Variants in LACTB observed in about 807,000 individuals in gnomAD.
LACTB encodes lactamase beta, also known as serine beta-lactamase-like protein LACTB, mitochondrial.
In LACTB, 35 loss-of-function variants were observed where a neutral mutation model predicts 50.2. That is an observed-to-expected ratio of 0.70 (90% confidence interval 0.53 to 0.92). The LOEUF (loss-of-function observed/expected upper bound fraction) is 0.92. Among genes scored for constraint, LACTB ranks in the 40% least tolerant of loss-of-function variants. The pLI, the probability that LACTB is intolerant of heterozygous loss-of-function variation, is 0.00. For missense variants in LACTB, 664 were observed against 691.8 expected (o/e 0.96, Z 0.45); for synonymous variants, 252 against 268.2 (o/e 0.94, Z 0.59).
At chr15:63,125,923 C>T (rs1340174575) in intron 2 of LACTB, 1 of 150,068 alleles carries the variant, frequency 6.7e-6, no homozygotes, top group African/African-American at 2.5e-5. Context: ...AGGCTAGTCT[C>T]GAAATCCTGA....
intron 5 of LACTB, 89 bp downstream of exon 5, chr15:63,129,739 C>A: frequency 4.5e-6 from 6 of 1,341,844 alleles, no homozygotes; most frequent in African/African-American, 1.5e-5. Context: ...GTTTCCATTC[C>A]AAAATCAACC....
chr15:63,125,075 C>T (rs115307132), intron 2 of LACTB, among the ~76,000 whole-genome samples: 2,621 of 152,168 alleles, frequency 0.017, 74 homozygotes, highest in African/African-American at 0.059. Flanking sequence ...AATCCCAGCG[C>T]TTAGGGAGTC....
At chr15:63,122,604 G>C in intron 1 of LACTB, 32 bp from the exon 2 acceptor site, 1 of 1,569,478 alleles carries the variant, frequency 6.4e-7, no homozygotes, top group Non-Finnish European at 8.8e-7. Flanking sequence ...CAGCAGGCCC[G>C]TAACTGTCGG....
intron 5 of LACTB, among the ~76,000 whole-genome samples, chr15:63,140,101 T>C (rs1403257352): frequency 6.6e-6 from 1 of 152,248 alleles, no homozygotes; most frequent in Non-Finnish European, 1.5e-5. Context: ...TGCAAGACTC[T>C]GTCTCAAAAG....
chr15:63,132,614 T>G (rs2037143760), intron 5 of LACTB, among the ~76,000 whole-genome samples: 1 of 151,960 alleles, frequency 6.6e-6, no homozygotes, highest in Non-Finnish European at 1.5e-5. Context: ...GCTCAGGAGA[T>G]CAAGACCAGC....
chr15:63,124,905 A>G (rs2037029213), intron 2 of LACTB, among the ~76,000 whole-genome samples: 1 of 152,088 alleles, frequency 6.6e-6, no homozygotes, highest in Non-Finnish European at 1.5e-5. Flanking sequence ...CAGTGAGCCA[A>G]GATCGTTCAC....
rs771795019 is a variant in LACTB, at chr15:63,121,878, C to T, written c.7C>T (p.Arg3Trp). MY[R>W]LMSAVTARAA... is the part of the protein sequence containing the mutation. ...CCGGCTGTGCAGAGACGCCATGTAC[C>T]GGCTCATGTCAGCAGTGACTGCCCG... The change falls in exon 1 of 6, where the codon CGG (arginine) becomes TGG (tryptophan). Residue 3 changes from arginine (R) to tryptophan (W), a missense_variant. Coordinates refer to ENST00000261893, the MANE Select transcript of LACTB (RefSeq NM_032857.5). 3 of 1,394,094 alleles carry T rather than the reference C, an allele frequency of 2.2e-6. No individual in the cohort carries two copies. Among genetic ancestry groups the T allele is most frequent in the Non-Finnish European group, 1.9e-6 (2 of 1,079,720 alleles). 86.4% of individuals were successfully genotyped at this position (1,394,094 alleles called of 1,614,324 possible). A position where few individuals can be genotyped will look rare whatever the true frequency, so the allele number is the denominator to read the frequency against.
intron 2 of LACTB, among the ~76,000 whole-genome samples, chr15:63,125,595 A>G (rs972931531): frequency 6.6e-6 from 1 of 152,200 alleles, no homozygotes; most frequent in African/African-American, 2.4e-5. Context: ...ACTTTATGCA[A>G]ATATTTTTTA....
At chr15:63,139,984 G>C (rs945761122) in intron 5 of LACTB, among the ~76,000 whole-genome samples, 5 of 151,740 alleles carry the variant, frequency 3.3e-5, no homozygotes, top group African/African-American at 1.2e-4. Context: ...GTACACACCT[G>C]TGGTCCCAGC....
Position 63,141,713 on chromosome 15 carries a change from A to T in LACTB, c.1552A>T (p.Ile518Phe). ...TAACAAGGTTCCCCCAAGAGGAATCATTGTTTCTATCATATGTAACATGCA... is the reference window on the plus strand; with the variant it reads ...TAACAAGGTTCCCCCAAGAGGAATCTTTGTTTCTATCATATGTAACATGCA... Reference protein sequence around the residue: ...INNKVPPRGIIVSIICNMQSV... With the variant: ...INNKVPPRGIFVSIICNMQSV... Residue 518 changes from isoleucine (I) to phenylalanine (F), a missense_variant, in exon 6 of 6, where the codon ATT becomes TTT. By Grantham distance (21) the Ile-to-Phe change is conservative. Transcript: ENST00000261893. 1 of 1,614,166 alleles carries T rather than the reference A, an allele frequency of 6.2e-7. No individual in the cohort carries two copies. The highest frequency in any genetic ancestry group is 8.5e-7 in the Non-Finnish European group (1 of 1,180,018).
rs570089953 is a variant in LACTB, at chr15:63,132,566, C to G, written c.1118+2916C>G. Among the ~76,000 whole-genome samples, 7 of 152,162 alleles carry G rather than the reference C, an allele frequency of 4.6e-5. No homozygotes were observed. In the South Asian group the frequency reaches 1.5e-3, roughly 32 times the overall value. ...GGCAAGGTGGCTCACACCTGTAATC[C>G]CAGCACTTTGGGAGGCTGAAGCAGG... is the stretch of plus-strand genomic sequence containing the variant. On this transcript the variant is annotated intron_variant, in intron 5 of 5. Transcript: ENST00000261893.
At chr15:63,131,038 A>G (rs2037125560) in intron 5 of LACTB, 1 of 152,280 alleles carries the variant, frequency 6.6e-6, no homozygotes. Context: ...CACGCCTGTA[A>G]TCCCATCACT....
chr15:63,139,427 C>T (rs183576214), intron 5 of LACTB, among the ~76,000 whole-genome samples: 28 of 151,964 alleles, frequency 1.8e-4, no homozygotes, highest in African/African-American at 5.8e-4. Context: ...CCAAGGTGGG[C>T]GGATCACCTG....
chr15:63,141,621 G>C lies in LACTB; in HGVS notation c.1460G>C (p.Gly487Ala), dbSNP rs1213945081. Residue 487 changes from glycine to alanine, a missense_variant, in exon 6 of 6, where the codon GGA becomes GCA. Physicochemically the swap from Gly to Ala is moderately conservative, Grantham distance 60 (BLOSUM62 0). Transcript: ENST00000261893. ...RKQRHYASHT[G>A]GAVGASSVLL... is the part of the protein sequence containing the mutation. ...CAACGGCATTATGCTTCACATACTG[G>C]AGGGGCAGTGGGTGCCAGTAGTGTC... The C allele has an allele frequency of 6.2e-7, 1 of 1,614,218 alleles. No homozygotes were observed. The highest frequency in any genetic ancestry group is 8.5e-7 in the Non-Finnish European group (1 of 1,180,034).
Position 63,126,910 on chromosome 15 carries a change from T to C in LACTB, c.476T>C (p.Val159Ala). The change falls in exon 3 of 6, where the codon GTT becomes GCT. Residue 159 changes from valine (V) to alanine (A), a missense_variant. Val to Ala is a moderately conservative substitution (Grantham distance 64). Transcript: ENST00000261893. ...CGTGTACCATGTAAACCAGAGACAG[T>C]TATGCGAATTGCTAGCATCAGCAAA... Reference protein sequence around the residue: ...ENRVPCKPETVMRIASISKSL... With the variant: ...ENRVPCKPETAMRIASISKSL... The C allele has an allele frequency of 6.2e-7, 1 of 1,613,260 alleles. No individual in the cohort carries two copies. The highest frequency in any genetic ancestry group is 1.3e-5 in the African/African-American group (1 of 75,030).
intron 5 of LACTB, chr15:63,130,916 A>G (rs1452293927): frequency 2.0e-5 from 3 of 152,244 alleles, no homozygotes; most frequent in African/African-American, 7.2e-5. Context: ...TTCATGACTG[A>G]ATCAGTTATT....
rs2037071066 is a variant in LACTB, at chr15:63,127,629, T to G, written c.892T>G (p.Phe298Val). Residue 298 changes from phenylalanine (F) to valine (V), a missense_variant, in exon 4 of 6, where the codon TTT (phenylalanine) becomes GTT (valine). Transcript: ENST00000261893. ...EQGELYLREK[F>V]ENSIESLRLF... ...AGGCGAATTATATTTGAGAGAAAAG[T>G]TTGAAAATTCAATTGAATCCCTAAG... 1 of 1,610,930 alleles carries G rather than the reference T, an allele frequency of 6.2e-7. No individual in the cohort carries two copies.
chr15:63,141,260 CATTTCTT>C lies in LACTB; in HGVS notation c.1119-14_1119-8del, dbSNP rs1195977281. ...CAGTGACTATGAAATTTTTCATGAT[CATTTCTT>C]ATTTCCTTTTAGATTTTATGTTTAC... On this transcript the variant is annotated splice_polypyrimidine_tract_variant and intron_variant, in intron 5 of 5. Transcript: ENST00000261893. 16 of 1,564,678 alleles carry C rather than the reference CATTTCTT, an allele frequency of 1.0e-5. No homozygotes were observed. The highest frequency in any genetic ancestry group is 1.4e-5 in the Non-Finnish European group (16 of 1,156,646).
At chr15:63,123,482 G>C (rs1285349848) in intron 2 of LACTB, among the ~76,000 whole-genome samples, 2 of 152,244 alleles carry the variant, frequency 1.3e-5, no homozygotes, top group African/African-American at 4.8e-5. Flanking sequence ...GCGGCGACGA[G>C]AGAGTGTAGA....
Sources: gnomAD v4.1 joint callset for allele counts (sites outside exome capture counted in the v4.1 genomes callset) on GRCh38, gnomAD v4.1.1 for gene constraint, MANE v1.5 for transcripts, NCBI Gene and HGNC (gene_info 2026-07-23, HGNC 2026-07-21) for gene names.